The following ADGRE5 variants were observed in gnomAD, a reference collection of about 807,000 sequenced individuals.
ADGRE5 encodes the protein adhesion G protein-coupled receptor E5.
Under a neutral mutation model 100.3 loss-of-function variants are expected in ADGRE5, and 72 were observed. The observed-to-expected ratio is 0.72, with a 90% CI of 0.59 to 0.87. The LOEUF is 0.87. Among genes scored for constraint, ADGRE5 ranks in the 40% least tolerant of loss-of-function variants. ADGRE5 has a pLI of 0.00. For synonymous variants in ADGRE5, 439 were observed against 447.8 expected, an observed-to-expected ratio of 0.98 and a Z score of 0.25; for missense variants, 959 against 1,094.7, an observed-to-expected ratio of 0.88 and a Z score of 1.75.
At chr19:14,398,985 G>A (rs554190265) in intron 9 of ADGRE5, among the ~76,000 whole-genome samples, 13 of 151,728 alleles carry the variant, frequency 8.6e-5, no homozygotes, top group Admixed American at 3.3e-4. Flanking sequence ...GGGACCAAAG[G>A]CATATACCAC....
Position 14,406,207 on chromosome 19 carries a change from C to A in ADGRE5, c.1822-124C>A. The stretch of plus-strand genomic sequence containing the variant: ...CCTGGGGGGAAACCTGGCCCCCGCT[C>A]CAGACCCGCCCACCCTCCGGCTGTG... On this transcript the variant is annotated intron_variant, in intron 14 of 19. Coordinates refer to ENST00000242786, the MANE Select transcript of ADGRE5 (RefSeq NM_078481.4). This position sits in a 1 kb window ranked among gnomAD's most constrained non-coding sequence, Gnocchi z 6.0. 1.2e-6 allele frequency: 1 copy of A among 827,348 alleles called. No homozygotes were observed. Among genetic ancestry groups the A allele is most frequent in the Non-Finnish European group, 1.8e-6 (1 of 543,092 alleles). The allele number at this position is 827,348 out of a possible 1,614,324, so 51.3% of individuals were successfully genotyped here.
intron 1 of ADGRE5, among the ~76,000 whole-genome samples, chr19:14,387,281 C>A (rs1201778121): frequency 6.6e-6 from 1 of 152,062 alleles, no homozygotes; most frequent in Non-Finnish European, 1.5e-5. Context: ...GGAGCTGAGA[C>A]CCCCACCAGG....
intron 12 of ADGRE5, among the ~76,000 whole-genome samples, 189 bp downstream of exon 12, chr19:14,403,051 T>A (rs182242153): frequency 1.3e-3 from 192 of 152,228 alleles, no homozygotes; most frequent in African/African-American, 4.0e-3. Context: ...TTAATTAATT[T>A]ATTTATTTTA....
Position 14,388,691 on chromosome 19 carries a change from TGCTCTTGCAGGCTGTGCCCG to T in ADGRE5, c.74-9_84del. 6.2e-7 allele frequency: 1 copy of T among 1,612,946 alleles called. No individual in the cohort carries two copies. The highest frequency in any genetic ancestry group is 8.5e-7 in the Non-Finnish European group (1 of 1,179,272). On this transcript the variant is annotated splice_acceptor_variant and splice_polypyrimidine_tract_variant and coding_sequence_variant and intron_variant, in exon 3 of 20. Transcript: ENST00000242786. LOFTEE classifies it high-confidence loss of function. Reference sequence around the variant, plus strand: ...CCCCTCACCTTCTGACCGTGCTCCCTGCTCTTGCAGGCTGTGCCCGGTGGTGCCCTCAGAACTCCTCGTGT... The same window carrying T: ...CCCCTCACCTTCTGACCGTGCTCCCTGTGGTGCCCTCAGAACTCCTCGTGT...
chr19:14,405,669 G>C (rs368296270), intron 13 of ADGRE5, 79 bp from the exon 14 acceptor site: 75 of 1,052,472 alleles, frequency 7.1e-5, no homozygotes, highest in East Asian at 6.1e-4. Flanking sequence ...GTCAAAGTGT[G>C]GGGGGGAAAA....
chr19:14,402,917 C>CT, intron 12 of ADGRE5, 55 bp downstream of exon 12: 1 of 1,563,548 alleles, frequency 6.4e-7, no homozygotes, highest in South Asian at 1.1e-5. Flanking sequence ...TTCGCACATG[C>CT]TGGGCCTCTC....
chr19:14,389,304 G>C (rs1975494780), intron 3 of ADGRE5, among the ~76,000 whole-genome samples: 1 of 1,986 alleles, frequency 5.0e-4, no homozygotes, highest in African/African-American at 1.9e-3. Flanking sequence ...GAGGGGAAGG[G>C]GGAAGGGGAG....
intron 9 of ADGRE5, among the ~76,000 whole-genome samples, chr19:14,398,492 A>G (rs1033584946): frequency 4.3e-5 from 6 of 141,172 alleles, no homozygotes; most frequent in Non-Finnish European, 6.1e-5. Flanking sequence ...ACATGGTGAA[A>G]CCCCCGTCTC....
intron 3 of ADGRE5, among the ~76,000 whole-genome samples, chr19:14,390,094 A>G (rs1433299200): frequency 6.9e-6 from 1 of 145,076 alleles, no homozygotes; most frequent in Admixed American, 6.9e-5. Flanking sequence ...AAGAGAAGAA[A>G]AGAACAAGAG....
chr19:14,402,773 A>G lies in ADGRE5; in HGVS notation c.1360A>G (p.Asn454Asp). 6.2e-7 allele frequency: 1 copy of G among 1,614,022 alleles called. No individual in the cohort carries two copies. The highest frequency in any genetic ancestry group is 8.5e-7 in the Non-Finnish European group (1 of 1,179,986). Residue 454 changes from asparagine (N) to aspartate (D), a missense_variant, in exon 12 of 20, where the codon AAC (asparagine) becomes GAC (aspartate). Physicochemically the swap from Asn to Asp is conservative, Grantham distance 23. Around this residue, in one of 6 missense-constraint regions of ADGRE5, gnomAD observed 246 missense variants for 242.2 expected, o/e 1.02. Transcript: ENST00000242786. ...CAACTCCATCTTTCTGAGCCACAAC[A>G]ACACCAAGGAACTCAACTCCCCCAT... ...AVNSIFLSHN[N>D]TKELNSPILF...
chr19:14,391,976 A>T (rs1975616360), intron 4 of ADGRE5, among the ~76,000 whole-genome samples: 1 of 151,254 alleles, frequency 6.6e-6, no homozygotes, highest in Admixed American at 6.6e-5. Context: ...ACGCGCCTGT[A>T]ATCCCAGCTA....
At chr19:14,405,462 A>T (rs1976187927) in intron 13 of ADGRE5, 2 of 373,852 alleles carry the variant, frequency 5.3e-6, no homozygotes, top group Non-Finnish European at 9.6e-6. Flanking sequence ...CACTTTCTGT[A>T]CGTGACTTCA....
At position 14,408,557 on chromosome 19, in the gene ADGRE5, C is replaced by T. The variant is rs905337815; in HGVS notation, c.*436C>T. On this transcript the variant is annotated 3_prime_UTR_variant, in exon 20 of 20. Transcript: ENST00000242786. Reference sequence around the variant, plus strand: ...AAGACTGATGTCAGAGGCCCCATGGCGAGGCCCCTTGGGGCCACTGCCTGA... The same window carrying T: ...AAGACTGATGTCAGAGGCCCCATGGTGAGGCCCCTTGGGGCCACTGCCTGA... The T allele has an allele frequency of 5.9e-5, 25 of 425,732 alleles. 1 individual carries two copies. The Admixed American group carries it at 7.8e-4, about 13-fold the overall frequency. 26.4% of individuals were successfully genotyped at this position (425,732 alleles called of 1,614,324 possible).
chr19:14,403,729 A>G (rs1020107333), intron 12 of ADGRE5, among the ~76,000 whole-genome samples: 5 of 151,378 alleles, frequency 3.3e-5, no homozygotes, highest in African/African-American at 1.2e-4. Context: ...CCTGGCCTCA[A>G]GCGATCCTCC....
At position 14,402,799 on chromosome 19, in the gene ADGRE5, C is replaced by T. The variant is rs1361278979; in HGVS notation, c.1386C>T (p.Ile462=). The T allele has an allele frequency of 1.9e-6, 3 of 1,614,152 alleles. No homozygotes were observed. The South Asian group carries it at 3.3e-5, about 18-fold the overall frequency. ...HNNTKELNSP[I]LFAFSHLESS... is the part of the protein sequence containing the mutation. Reference sequence around the variant, plus strand: ...ACACCAAGGAACTCAACTCCCCCATCCTTTTCGCCTTCTCCCACCTTGAGT... The same window carrying T: ...ACACCAAGGAACTCAACTCCCCCATTCTTTTCGCCTTCTCCCACCTTGAGT... The change falls in exon 12 of 20, where the codon ATC becomes ATT. Residue 462 remains isoleucine, a synonymous_variant. Transcript: ENST00000242786.
intron 4 of ADGRE5, among the ~76,000 whole-genome samples, chr19:14,395,099 G>A (rs1484966644): frequency 6.6e-6 from 1 of 152,106 alleles, no homozygotes; most frequent in Non-Finnish European, 1.5e-5. Context: ...TCGGGAATTC[G>A]AGAGCAGCCT....
intron 4 of ADGRE5, among the ~76,000 whole-genome samples, chr19:14,392,090 T>G (rs1599617935): frequency 6.6e-5 from 7 of 105,798 alleles, no homozygotes; most frequent in East Asian, 2.7e-4. Flanking sequence ...GGTGACAGAG[T>G]GAGACTCTGT....
chr19:14,395,308 A>C lies in ADGRE5; in HGVS notation c.347-1034A>C, dbSNP rs1054452680. 6.9e-4 allele frequency among the ~76,000 whole-genome samples: 104 copies of C among 151,806 alleles called. No homozygotes were observed. The East Asian group carries it at 9.5e-3, about 14-fold the overall frequency. ...AGAGAGAGACGCTGTCTCCAAAAAA[A>C]AAAAAAAAAAACAAAAACGCACTCA... is the stretch of plus-strand genomic sequence containing the variant. On this transcript the variant is annotated intron_variant, in intron 4 of 19. Coordinates refer to ENST00000242786, the MANE Select transcript of ADGRE5 (RefSeq NM_078481.4).
At chr19:14,405,693 G>C (rs1392380504) in intron 13 of ADGRE5, 55 bp from the exon 14 acceptor site, 1 of 1,349,488 alleles carries the variant, frequency 7.4e-7, no homozygotes. Flanking sequence ...ACCACAAAGA[G>C]GGCAGGAAGG....
Sources: gnomAD v4.1 joint callset for allele counts (sites outside exome capture counted in the v4.1 genomes callset) on GRCh38, gnomAD v4.1.1 for gene constraint, gnomAD v4.1.1 regional missense constraint, Gnocchi (gnomAD v3.1) non-coding constraint, MANE v1.5 for transcripts, NCBI Gene and HGNC (gene_info 2026-07-23, HGNC 2026-07-21) for gene names.